Variants in ASIC2 observed in about 807,000 individuals in gnomAD.
The protein encoded by ASIC2 is acid-sensing ion channel 2.
ASIC2 carries 25 observed loss-of-function variants against 57.3 expected under a neutral mutation model. The ratio of observed to expected loss-of-function variants is 0.44; its 90% CI spans 0.32 to 0.61. The LOEUF is 0.61. ASIC2 is among the 20% of genes least tolerant of loss of function. The pLI is 0.06. For missense variants in ASIC2, 641 were observed against 738.1 expected (o/e 0.87, Z 1.52); for synonymous variants, 319 against 307.5 (o/e 1.04, Z -0.39).
chr17:33,258,184 T>C (rs1226153789), intron 1 of ASIC2, among the ~76,000 whole-genome samples: 1 of 152,246 alleles, frequency 6.6e-6, no homozygotes, highest in Non-Finnish European at 1.5e-5. Context: ...ATTAATCTAC[T>C]CGTTCACAGC....
chr17:33,512,903 C>T (rs1914468368), intron 1 of ASIC2, among the ~76,000 whole-genome samples: 1 of 152,194 alleles, frequency 6.6e-6, no homozygotes, highest in African/African-American at 2.4e-5. Context: ...GCTGGTAGCC[C>T]CAGACTCTGT....
chr17:33,795,799 T>C (rs947146638), intron 1 of ASIC2, among the ~76,000 whole-genome samples: 1 of 152,252 alleles, frequency 6.6e-6, no homozygotes, highest in Non-Finnish European at 1.5e-5. Context: ...GCTTTCTTGA[T>C]ATCAAAGACC....
chr17:33,400,513 T>A (rs1174930290), intron 1 of ASIC2, among the ~76,000 whole-genome samples: 1 of 152,168 alleles, frequency 6.6e-6, no homozygotes, highest in African/African-American at 2.4e-5. Context: ...CCTCTCCGAC[T>A]CTACTCCCTT....
intron 1 of ASIC2, among the ~76,000 whole-genome samples, chr17:33,347,108 G>A (rs568034698): frequency 6.6e-6 from 1 of 152,222 alleles, no homozygotes; most frequent in South Asian, 2.1e-4. Context: ...AGTGGGAGGT[G>A]GAATTATAGA....
chr17:34,006,435 G>A (rs942392799), intron 1 of ASIC2: 5 of 152,258 alleles, frequency 3.3e-5, no homozygotes, highest in African/African-American at 9.6e-5. Context: ...ATAGGAAGGT[G>A]TTGACTTGTT....
chr17:34,117,130 T>C (rs1911449813), intron 1 of ASIC2, among the ~76,000 whole-genome samples: 1 of 152,062 alleles, frequency 6.6e-6, no homozygotes, highest in African/African-American at 2.4e-5. Context: ...CTTCAATTCA[T>C]CAATCTGTCA....
At chr17:33,317,029 G>A (rs369420580) in intron 1 of ASIC2, among the ~76,000 whole-genome samples, 1 of 152,230 alleles carries the variant, frequency 6.6e-6, no homozygotes, top group Admixed American at 6.5e-5. Flanking sequence ...TCCAGTTGCC[G>A]GGAGAACAGC....
At chr17:33,796,851 A>G (rs1389261399) in intron 1 of ASIC2, among the ~76,000 whole-genome samples, 2 of 152,194 alleles carry the variant, frequency 1.3e-5, no homozygotes, top group African/African-American at 2.4e-5. Flanking sequence ...CATGTACTAA[A>G]GGTGTGATCT....
intron 1 of ASIC2, among the ~76,000 whole-genome samples, chr17:33,456,432 A>G (rs1475036157): frequency 1.3e-5 from 2 of 151,878 alleles, no homozygotes; most frequent in African/African-American, 2.4e-5. Context: ...GTCTATTCCC[A>G]GATTGCAAAA....
chr17:33,865,783 A>AAGTT lies in ASIC2; in HGVS notation c.555+290194_555+290195insAACT, dbSNP rs796251405. ...ATAAAAAAAAAAAACAAAAAAAAAAACGTTTTTTTATTGAACTATGTCAAA... is the reference window on the plus strand; with the variant it reads ...ATAAAAAAAAAAAACAAAAAAAAAAAAGTTCGTTTTTTTATTGAACTATGTCAAA... On this transcript the variant is annotated intron_variant, in intron 1 of 9. Transcript: ENST00000359872. 1.6e-4 allele frequency among the ~76,000 whole-genome samples: 13 copies of AAGTT among 81,544 alleles called. 1 individual carries two copies. Among genetic ancestry groups the AAGTT allele is most frequent in the Non-Finnish European group, 3.4e-4 (12 of 35,144 alleles). 53.5% of individuals were successfully genotyped at this position (81,544 alleles called of 152,430 possible).
intron 1 of ASIC2, among the ~76,000 whole-genome samples, chr17:33,168,440 G>A (rs1483174025): frequency 6.6e-6 from 1 of 152,210 alleles, no homozygotes; most frequent in African/African-American, 2.4e-5. Flanking sequence ...GAGCTGTAGG[G>A]AAAGTTTGGA....
chr17:33,727,533 T>A (rs1488162787), intron 1 of ASIC2, among the ~76,000 whole-genome samples: 1 of 152,146 alleles, frequency 6.6e-6, no homozygotes, highest in Non-Finnish European at 1.5e-5. Context: ...CTCCTTGCTG[T>A]GATGGTGAGT....
intron 1 of ASIC2, among the ~76,000 whole-genome samples, chr17:34,030,803 G>C (rs1285494237): frequency 6.6e-6 from 1 of 152,202 alleles, no homozygotes; most frequent in African/African-American, 2.4e-5. Context: ...CAGAGAGGCT[G>C]GGGGAGGGGC....
chr17:33,058,470 CAAAAAAA>C (rs10612611), intron 3 of ASIC2, among the ~76,000 whole-genome samples: 1 of 109,722 alleles, frequency 9.1e-6, no homozygotes, highest in Non-Finnish European at 1.8e-5. Flanking sequence ...TCTGAGAAGT[CAAAAAAA>C]AAAAAAAAAA....
intron 1 of ASIC2, among the ~76,000 whole-genome samples, chr17:33,144,874 T>C (rs1257152038): frequency 1.3e-5 from 2 of 152,220 alleles, no homozygotes; most frequent in South Asian, 2.1e-4. Context: ...ATCAGACAAG[T>C]AGTGGATGAA....
chr17:33,837,931 C>G (rs954414743), intron 1 of ASIC2, among the ~76,000 whole-genome samples: 7 of 152,154 alleles, frequency 4.6e-5, no homozygotes, highest in African/African-American at 1.4e-4. Context: ...AAAACCCCAC[C>G]TCTTCCAAAG....
intron 1 of ASIC2, among the ~76,000 whole-genome samples, chr17:33,336,801 G>C (rs549288720): frequency 1.2e-4 from 18 of 152,236 alleles, no homozygotes; most frequent in African/African-American, 4.1e-4. Context: ...TTTGATTATA[G>C]CTTAATCTGT....
intron 1 of ASIC2, among the ~76,000 whole-genome samples, chr17:33,930,604 T>C (rs1318624877): frequency 6.6e-6 from 1 of 152,222 alleles, no homozygotes; most frequent in African/African-American, 2.4e-5. Context: ...AAAAGTATCA[T>C]TTCCCTGTAG....
chr17:33,259,286 ATT>A (rs1327337822), intron 1 of ASIC2, among the ~76,000 whole-genome samples: 2 of 152,196 alleles, frequency 1.3e-5, no homozygotes. Context: ...CGCTGGTGGC[ATT>A]ATCTTGTACA....
Sources: gnomAD v4.1 joint callset for allele counts (sites outside exome capture counted in the v4.1 genomes callset) on GRCh38, gnomAD v4.1.1 for gene constraint, MANE v1.5 for transcripts, NCBI Gene and HGNC (gene_info 2026-07-23, HGNC 2026-07-21) for gene names.